Variants in CCDC144A observed in about 807,000 individuals in gnomAD.
CCDC144A encodes the protein coiled-coil domain-containing protein 144A.
A neutral mutation model predicts 143.8 loss-of-function variants in CCDC144A; 41 were observed. That is an observed-to-expected ratio of 0.29 (90% confidence interval 0.22 to 0.37). The LOEUF is 0.37. CCDC144A is among the 10% of genes least tolerant of loss of function. The probability of loss-of-function intolerance (pLI) is 1.00; values close to 1 mark genes in which losing one functional copy is unlikely to be tolerated. For synonymous variants in CCDC144A, 242 were observed against 517.9 expected (o/e 0.47, Z 7.23); for missense variants, 637 against 1,488.8 (o/e 0.43, Z 9.41).
rs953224712 is a variant in CCDC144A, at chr17:16,745,713, G to A, written c.3372+10070G>A. The A allele has an allele frequency of 2.8e-5, 45 of 1,613,860 alleles. No individual in the cohort carries two copies. In the African/African-American group the frequency reaches 3.1e-4, roughly 11 times the overall value. On this transcript the variant is annotated intron_variant, in intron 12 of 16. Coordinates refer to ENST00000399273, the MANE Select transcript of CCDC144A (RefSeq NM_001382000.1). ...CCTCCTGTTTCCGCCACACTCTCGC[G>A]CTCGGAAGTGAGCTCCTGGATCATA...
chr17:16,729,963 C>CATATATATATATATATATATATATATAT (rs59756018), intron 9 of CCDC144A, among the ~76,000 whole-genome samples: 18 of 94,062 alleles, frequency 1.9e-4, no homozygotes, highest in South Asian at 3.8e-4. Context: ...TAGGTAGTTT[C>CATATATATATATATATATATATATATAT]ATATATATAT....
upstream of CCDC144A, among the ~76,000 whole-genome samples, chr17:16,686,473 T>C (rs1271267925): frequency 6.6e-6 from 1 of 151,902 alleles, no homozygotes; most frequent in Non-Finnish European, 1.5e-5. Flanking sequence ...TGCCAGTGGG[T>C]GTGCATATAG....
intron 2 of CCDC144A, among the ~76,000 whole-genome samples, chr17:16,702,252 G>A (rs559051082): frequency 5.8e-4 from 89 of 152,280 alleles, no homozygotes; most frequent in African/African-American, 1.3e-3. Flanking sequence ...CACCACTGTG[G>A]CAGTGTTTCT....
rs1369574429 is a variant in CCDC144A, at chr17:16,746,744, A to C, written c.3372+11101A>C. On this transcript the variant is annotated intron_variant, in intron 12 of 16. Coordinates refer to ENST00000399273, the MANE Select transcript of CCDC144A (RefSeq NM_001382000.1). ...CTGCTCCTTGGTGAGGCCCGGAGGC[A>C]GGCGGCAGATGACCACCTGCGGGGA... The C allele has an allele frequency of 6.2e-5, 100 of 1,609,696 alleles. No homozygotes were observed. In the Admixed American group the frequency reaches 1.6e-3, roughly 26 times the overall value.
intron 15 of CCDC144A, chr17:16,765,901 T>A (rs1198591106): frequency 6.6e-6 from 1 of 152,260 alleles, no homozygotes; most frequent in Non-Finnish European, 1.5e-5. Flanking sequence ...GCAAATATAA[T>A]GTTCTCATTA....
intron 15 of CCDC144A, among the ~76,000 whole-genome samples, chr17:16,769,571 CT>C (rs1915744110): frequency 6.6e-6 from 1 of 152,288 alleles, no homozygotes; most frequent in South Asian, 2.1e-4. Context: ...ATGAATAGTT[CT>C]TTTAAGGAAC....
In CCDC144A at chr17:16,763,980, A is replaced by G. The variant is rs376312770; in HGVS notation, c.3903A>G (p.Ile1301Met). The G allele has an allele frequency of 3.7e-6, 6 of 1,610,058 alleles. No homozygotes were observed. In the African/African-American group the frequency reaches 8.0e-5, roughly 22 times the overall value. The part of the protein sequence containing the change: ...SNELSRTNEM[I>M]AEVSTQLTVE... ...ATCTTCATAGAACTAATGAGATGAT[A>G]GCAGAGGTCAGTACGCAACTTACTG... Residue 1301 changes from isoleucine (I) to methionine (M), a missense_variant, in exon 15 of 17, where the codon ATA becomes ATG. Ile to Met is a conservative substitution (Grantham distance 10). Coordinates refer to ENST00000399273, the MANE Select transcript of CCDC144A (RefSeq NM_001382000.1).
chr17:16,753,984 A>C (rs1474423055), intron 12 of CCDC144A, among the ~76,000 whole-genome samples: 4 of 152,176 alleles, frequency 2.6e-5, no homozygotes, highest in Non-Finnish European at 2.9e-5. Context: ...TTGTTGGTAA[A>C]CTTTATTACT....
the CCDC144A span, among the ~76,000 whole-genome samples, chr17:16,667,911 G>A: frequency 3.6e-3 from 541 of 148,284 alleles, 8 homozygotes; most frequent in African/African-American, 0.013. Context: ...TTTGTGCAGA[G>A]GTGGGAAGAC....
At chr17:16,768,303 CTTG>C (rs1915692040) in intron 15 of CCDC144A, among the ~76,000 whole-genome samples, 3 of 152,154 alleles carry the variant, frequency 2.0e-5, no homozygotes, top group African/African-American at 7.2e-5. Flanking sequence ...CCCAATAAAA[CTTG>C]TTTAATACCA....
chr17:16,758,208 C>A (rs556848814), intron 12 of CCDC144A, among the ~76,000 whole-genome samples: 110 of 126,278 alleles, frequency 8.7e-4, no homozygotes, highest in African/African-American at 2.7e-3. Flanking sequence ...ACTTGAAAAA[C>A]ACACTAATTT....
At chr17:16,686,420 T>C (rs1021757908), upstream of CCDC144A, among the ~76,000 whole-genome samples, 5 of 152,140 alleles carry the variant, frequency 3.3e-5, no homozygotes, top group African/African-American at 1.2e-4. Flanking sequence ...GTGCAATTTA[T>C]TTTTATAACT....
Position 16,690,580 on chromosome 17 carries a change from C to T in CCDC144A, c.180C>T (p.Ser60=). ...PYSWWKNSVG[S]ESKHGEGALD... is the part of the protein sequence containing the mutation. ...GCTGGTGGAAAAACAGCGTCGGCAG[C>T]GAGAGCAAGCACGGTGAGGGCGCCT... The change falls in exon 1 of 17, where the codon AGC becomes AGT. Residue 60 remains serine, a synonymous_variant. Transcript: ENST00000399273. 1 of 1,613,738 alleles carries T rather than the reference C, an allele frequency of 6.2e-7. No homozygotes were observed. Among genetic ancestry groups the T allele is most frequent in the Non-Finnish European group, 8.5e-7 (1 of 1,179,864 alleles).
chr17:16,759,223 C>A (rs1254908559), intron 12 of CCDC144A, among the ~76,000 whole-genome samples: 1 of 152,218 alleles, frequency 6.6e-6, no homozygotes, highest in East Asian at 1.9e-4. Context: ...AATTTATAGG[C>A]CATCATAAAT....
chr17:16,692,054 C>G (rs1256525331), intron 1 of CCDC144A: 1 of 151,836 alleles, frequency 6.6e-6, no homozygotes, highest in Admixed American at 6.6e-5. Flanking sequence ...CTGAGTAACA[C>G]GTGGGATGTT....
At chr17:16,769,761 AT>A (rs1165320774) in intron 15 of CCDC144A, among the ~76,000 whole-genome samples, 1 of 150,390 alleles carries the variant, frequency 6.6e-6, no homozygotes, top group Non-Finnish European at 1.5e-5. Context: ...GAGAGCTACT[AT>A]TTTTTGTCTC....
chr17:16,720,139 T>A (rs1330909765), intron 6 of CCDC144A, 59 bp from the exon 7 acceptor site: 5 of 1,482,820 alleles, frequency 3.4e-6, no homozygotes, highest in Non-Finnish European at 4.5e-6. Context: ...TAGTGTTAGA[T>A]ATTCTTTGTA....
At chr17:16,744,280 A>G (rs955557233) in intron 12 of CCDC144A, among the ~76,000 whole-genome samples, 65 of 152,354 alleles carry the variant, frequency 4.3e-4, no homozygotes, top group South Asian at 1.9e-3. Flanking sequence ...TGCTTTCCAC[A>G]GTGGCTGAAC....
chr17:16,693,690 G>A (rs1323575033), intron 2 of CCDC144A, among the ~76,000 whole-genome samples: 1 of 152,052 alleles, frequency 6.6e-6, no homozygotes, highest in African/African-American at 2.4e-5. Flanking sequence ...GACTTGTTAT[G>A]AAATTGGAAC....
Sources: allele counts gnomAD v4.1 joint callset (sites outside exome capture counted in the v4.1 genomes callset), GRCh38; gene constraint gnomAD v4.1.1; transcripts MANE v1.5; gene names NCBI Gene and HGNC (gene_info 2026-07-23, HGNC 2026-07-21).